The following TSPAN17 variants were observed in gnomAD, a reference collection of about 807,000 sequenced individuals.
The protein encoded by TSPAN17 is tetraspanin 17.
In TSPAN17, 33 loss-of-function variants were observed where a neutral mutation model predicts 40.5. That is an observed-to-expected ratio of 0.81 (90% CI 0.62 to 1.09). TSPAN17 has a LOEUF of 1.09. TSPAN17 is among the 50% of genes least tolerant of loss of function. The pLI is 0.00. For synonymous variants in TSPAN17, 166 were observed against 169.4 expected (o/e 0.98, Z 0.15); for missense variants, 365 against 416.8 (o/e 0.88, Z 1.08).
At chr5:176,656,597 C>T (rs1035218945) in intron 6 of TSPAN17, 103 bp from the exon 7 acceptor site, 17 of 1,089,912 alleles carry the variant, frequency 1.6e-5, no homozygotes, top group Non-Finnish European at 2.1e-5. Context: ...GGAGCAGGTA[C>T]TGCAGGTTTA....
rs1282391088 is a variant in TSPAN17, at chr5:176,650,191, C to G, written c.88-1425C>G. The stretch of plus-strand genomic sequence containing the variant: ...GCGGGTGGACGTAGGGGTGTGGGAC[C>G]AGCATGAGGTCTGGGTGGGGATCGG... On this transcript the variant is annotated intron_variant, in intron 1 of 8. Transcript: ENST00000508164. This position sits in a 1 kb window ranked among gnomAD's most constrained non-coding sequence, Gnocchi z 4.0. Among the ~76,000 whole-genome samples, 1 of 152,054 alleles carries G rather than the reference C, an allele frequency of 6.6e-6. No homozygotes were observed.
rs1240774036 is a variant in TSPAN17, at chr5:176,647,633, G to A, written c.18G>A (p.Gln6=). 2.5e-6 allele frequency: 4 copies of A among 1,591,486 alleles called. No homozygotes were observed. The highest frequency in any genetic ancestry group is 3.4e-6 in the Non-Finnish European group (4 of 1,170,242). MPGKH[Q]HFQEPEVGCC... ...CGCTCACCATGCCCGGCAAGCACCA[G>A]CATTTCCAGGAACCTGAGGTCGGCT... is the stretch of plus-strand genomic sequence containing the variant. The change falls in exon 1 of 9, where the codon CAG becomes CAA. Residue 6 remains glutamine, a synonymous_variant. Coordinates refer to ENST00000508164, the MANE Select transcript of TSPAN17 (RefSeq NM_130465.5).
chr5:176,654,600 A>C lies in TSPAN17; in HGVS notation c.457-295A>C. 1.1e-5 allele frequency: 4 copies of C among 359,798 alleles called. No individual in the cohort carries two copies. The highest frequency in any genetic ancestry group is 1.2e-4 in the East Asian group (2 of 16,240). The allele number at this position is 359,798 out of a possible 1,614,324, so 22.3% of individuals were successfully genotyped here. A position where few individuals can be genotyped will look rare whatever the true frequency, so the allele number is the denominator to read the frequency against. On this transcript the variant is annotated intron_variant, in intron 4 of 8. Transcript: ENST00000508164. The surrounding 1 kb of genome is among the most constrained non-coding windows in gnomAD (Gnocchi z 4.3). ...TTGGCCCAGCGCCTGCCTCTCAGGT[A>C]GTCTGGAGGAAGCCACAGTCATTGA...
rs1160726397 is a variant in TSPAN17 at position 176,654,795 on chromosome 5, C to T, written c.457-100C>T. 1 of 1,468,658 alleles carries T rather than the reference C, an allele frequency of 6.8e-7. No homozygotes were observed. The highest frequency in any genetic ancestry group is 9.2e-7 in the Non-Finnish European group (1 of 1,086,916). 91.0% of individuals were successfully genotyped at this position (1,468,658 alleles called of 1,614,324 possible). A position where few individuals can be genotyped will look rare whatever the true frequency, so the allele number is the denominator to read the frequency against. On this transcript the variant is annotated intron_variant, in intron 4 of 8. Transcript: ENST00000508164. The surrounding 1 kb of genome is among the most constrained non-coding windows in gnomAD (Gnocchi z 4.3). ...CCCACTTGGCTGTCCCAGCCCTGTC[C>T]CAGACAGCCCTGTATTCCTGCAGCC...
intron 6 of TSPAN17, 138 bp downstream of exon 6, chr5:176,656,263 C>G (rs774960111): frequency 2.2e-5 from 20 of 916,862 alleles, no homozygotes; most frequent in African/African-American, 3.3e-5. Context: ...AGCCAGACAC[C>G]CAGGCAGCGG....
chr5:176,652,220 T>C (rs1233349617), intron 3 of TSPAN17, among the ~76,000 whole-genome samples: 1 of 152,194 alleles, frequency 6.6e-6, no homozygotes, highest in African/African-American at 2.4e-5. Context: ...CCCGTTTGGC[T>C]CCATTCCCAG....
intron 5 of TSPAN17, among the ~76,000 whole-genome samples, chr5:176,655,314 C>T (rs1181319827): frequency 2.0e-5 from 3 of 152,196 alleles, no homozygotes; most frequent in African/African-American, 7.2e-5. Flanking sequence ...CAGCCGCAGC[C>T]ATTGTCTGCT....
chr5:176,656,744 C>T lies in TSPAN17; in HGVS notation c.675C>T (p.Gly225=). The change falls in exon 7 of 9, where the codon GGC becomes GGT. Residue 225 remains glycine (G), a synonymous_variant. Transcript: ENST00000508164. ...TCATCCACACCAAAGGCTGCGTGGG[C>T]CAGTTTGAGAAGTGGCTGCAGGACA... is the stretch of plus-strand genomic sequence containing the variant. The part of the protein sequence containing the change: ...QGFIHTKGCV[G]QFEKWLQDNL... The T allele has an allele frequency of 1.9e-6, 3 of 1,614,180 alleles. No individual in the cohort carries two copies. The highest frequency in any genetic ancestry group is 2.5e-6 in the Non-Finnish European group (3 of 1,180,010).
rs145997133 is a variant in TSPAN17, at chr5:176,652,622, T to C, written c.286-121T>C. ...CTAAAATAATAGAAGGTGGGGGCTCTGGGCGCCTCTGGGTCTTGGTGGAGG... is the reference window on the plus strand; with the variant it reads ...CTAAAATAATAGAAGGTGGGGGCTCCGGGCGCCTCTGGGTCTTGGTGGAGG... On this transcript the variant is annotated intron_variant, in intron 3 of 8. Transcript: ENST00000508164. 101 of 881,614 alleles carry C rather than the reference T, an allele frequency of 1.1e-4. No individual in the cohort carries two copies. In the East Asian group the frequency reaches 2.4e-3, roughly 21 times the overall value. The allele number at this position is 881,614 out of a possible 1,614,324, so 54.6% of individuals were successfully genotyped here.
chr5:176,651,982 G>T lies in TSPAN17; in HGVS notation c.285+82G>T, dbSNP rs1182555576. ...GCAATACAGTTGGAGCTTAATGATGGGTAGCTTTATTATTATGCTATAATC... is the reference window on the plus strand; with the variant it reads ...GCAATACAGTTGGAGCTTAATGATGTGTAGCTTTATTATTATGCTATAATC... On this transcript the variant is annotated intron_variant, in intron 3 of 8. Coordinates refer to ENST00000508164, the MANE Select transcript of TSPAN17 (RefSeq NM_130465.5). This position sits in a 1 kb window ranked among gnomAD's most constrained non-coding sequence, Gnocchi z 4.5. 10 of 1,542,408 alleles carry T rather than the reference G, an allele frequency of 6.5e-6. No individual in the cohort carries two copies. Among genetic ancestry groups the T allele is most frequent in the Middle Eastern group, 1.7e-4 (1 of 5,852 alleles).
rs1055175655 is a variant in TSPAN17 at position 176,650,412 on chromosome 5, A to G, written c.88-1204A>G. ...CTTTAATTGTATTTCCTTGGCTCTG[A>G]TTGGCTGCCTCTGGACCAATCCCCG... On this transcript the variant is annotated intron_variant, in intron 1 of 8. Coordinates refer to ENST00000508164, the MANE Select transcript of TSPAN17 (RefSeq NM_130465.5). This position sits in a 1 kb window ranked among gnomAD's most constrained non-coding sequence, Gnocchi z 4.0. 3.3e-5 allele frequency among the ~76,000 whole-genome samples: 5 copies of G among 151,980 alleles called. No individual in the cohort carries two copies. Among genetic ancestry groups the G allele is most frequent in the Non-Finnish European group, 7.4e-5 (5 of 67,988 alleles).
Position 176,654,844 on chromosome 5 carries a change from A to T in TSPAN17, c.457-51A>T. ...CCTGGGCTTGTTCCCAAACAGGGTGAGGCTCCTGGGATGGGCCTGGCTCAC... is the reference window on the plus strand; with the variant it reads ...CCTGGGCTTGTTCCCAAACAGGGTGTGGCTCCTGGGATGGGCCTGGCTCAC... On this transcript the variant is annotated intron_variant, in intron 4 of 8. Transcript: ENST00000508164. The surrounding 1 kb of genome is among the most constrained non-coding windows in gnomAD (Gnocchi z 4.3). The T allele has an allele frequency of 6.2e-7, 1 of 1,603,480 alleles. No individual in the cohort carries two copies. Among genetic ancestry groups the T allele is most frequent in the Non-Finnish European group, 8.5e-7 (1 of 1,174,556 alleles).
rs776124282 is a variant in TSPAN17 at position 176,651,836 on chromosome 5, T to C, written c.221T>C (p.Met74Thr). ...VWLFVVVGGV[M>T]SVLGFAGCIG... is the part of the protein sequence containing the mutation. ...CTGTTTGTGGTAGTTGGAGGCGTCA[T>C]GTCGGTGCTGGGCTTTGCTGGCTGC... Residue 74 changes from methionine (M) to threonine (T), a missense_variant, in exon 3 of 9, where the codon ATG becomes ACG. Coordinates refer to ENST00000508164, the MANE Select transcript of TSPAN17 (RefSeq NM_130465.5). This position sits in a 1 kb window ranked among gnomAD's most constrained non-coding sequence, Gnocchi z 4.5. 2.5e-6 allele frequency: 4 copies of C among 1,614,164 alleles called. No individual in the cohort carries two copies. The highest frequency in any genetic ancestry group is 1.7e-5 in the Admixed American group (1 of 60,024).
At chr5:176,656,015 A>G in intron 5 of TSPAN17, 63 bp from the exon 6 acceptor site, 3 of 1,512,908 alleles carry the variant, frequency 2.0e-6, no homozygotes, top group Non-Finnish European at 2.8e-6. Context: ...CGCACTGCCC[A>G]GGTACCATGG....
rs749625366 is a variant in TSPAN17 at position 176,657,728 on chromosome 5, T to C, written c.*30T>C. 5.9e-6 allele frequency: 9 copies of C among 1,535,956 alleles called. No individual in the cohort carries two copies. The highest frequency in any genetic ancestry group is 7.9e-6 in the Non-Finnish European group (9 of 1,145,694). On this transcript the variant is annotated 3_prime_UTR_variant, in exon 9 of 9. Coordinates refer to ENST00000508164, the MANE Select transcript of TSPAN17 (RefSeq NM_130465.5). ...CACATAAAAGTCCAGATCCACAGCT[T>C]CTCTTGAAGAATGACCACCTGGCTA...
Position 176,650,020 on chromosome 5 carries a change from A to G in TSPAN17, c.88-1596A>G, listed in dbSNP as rs374293900. Among the ~76,000 whole-genome samples the G allele has an allele frequency of 2.2e-4, 34 of 152,192 alleles. 1 individual carries two copies. In the East Asian group the frequency reaches 6.0e-3, roughly 27 times the overall value. ...GATATTTGTTAAGGGGTCTGTTTGCATCTGAGGTTTCCTTGTCTGCTCACT... is the reference window on the plus strand; with the variant it reads ...GATATTTGTTAAGGGGTCTGTTTGCGTCTGAGGTTTCCTTGTCTGCTCACT... On this transcript the variant is annotated intron_variant, in intron 1 of 8. Coordinates refer to ENST00000508164, the MANE Select transcript of TSPAN17 (RefSeq NM_130465.5). The surrounding 1 kb of genome is among the most constrained non-coding windows in gnomAD (Gnocchi z 4.0).
intron 3 of TSPAN17, among the ~76,000 whole-genome samples, chr5:176,652,429 G>A (rs1761004298): frequency 6.6e-6 from 1 of 152,240 alleles, no homozygotes; most frequent in African/African-American, 2.4e-5. Context: ...GCACTTGCCA[G>A]TCCTGTATCT....
chr5:176,653,230 G>T, intron 4 of TSPAN17: 1 of 237,382 alleles, frequency 4.2e-6, no homozygotes, highest in East Asian at 8.6e-5. Context: ...TTCTACTTCT[G>T]CTAAACCTTG....
At position 176,658,281 on chromosome 5, in the gene TSPAN17, G is replaced by A. The variant is rs73332199; in HGVS notation, c.*583G>A. The A allele has an allele frequency of 0.06, 9,117 of 152,354 alleles. 881 individuals carry two copies. Among genetic ancestry groups the A allele is most frequent in the African/African-American group, 0.2 (8,489 of 41,496 alleles). 9.4% of individuals were successfully genotyped at this position (152,354 alleles called of 1,614,324 possible). A position where few individuals can be genotyped will look rare whatever the true frequency, so the allele number is the denominator to read the frequency against. Reference sequence around the variant, plus strand: ...GTAGAGCCTGTGCCTGCCTACTAGCGCTCTGGGGTTCGGAGAGTTTGGGAA... The same window carrying A: ...GTAGAGCCTGTGCCTGCCTACTAGCACTCTGGGGTTCGGAGAGTTTGGGAA... On this transcript the variant is annotated 3_prime_UTR_variant, in exon 9 of 9. Coordinates refer to ENST00000508164, the MANE Select transcript of TSPAN17 (RefSeq NM_130465.5).
Sources: gnomAD v4.1 joint callset for allele counts (sites outside exome capture counted in the v4.1 genomes callset) on GRCh38, gnomAD v4.1.1 for gene constraint, Gnocchi (gnomAD v3.1) non-coding constraint, MANE v1.5 for transcripts, NCBI Gene and HGNC (gene_info 2026-07-23, HGNC 2026-07-21) for gene names.